The following AP2A2 variants were observed in gnomAD, a reference collection of about 807,000 sequenced individuals.
AP2A2 encodes the protein AP-2 complex subunit alpha-2.
Under a neutral mutation model 104.2 loss-of-function variants are expected in AP2A2, and 32 were observed. The observed-to-expected ratio is 0.31, with a 90% CI of 0.23 to 0.41. AP2A2 has a LOEUF of 0.41. AP2A2 is among the 10% of genes least tolerant of loss of function. The pLI, the probability that AP2A2 is intolerant of heterozygous loss-of-function variation, is 1.00. For synonymous variants in AP2A2, 539 were observed against 533.3 expected (o/e 1.01, Z -0.15); for missense variants, 912 against 1,261.0 (o/e 0.72, Z 4.19).
chr11:976,351 C>T (rs6597962), intron 4 of AP2A2, among the ~76,000 whole-genome samples: 70,459 of 151,970 alleles, frequency 0.46, 17,582 homozygotes, highest in Middle Eastern at 0.65. Context: ...ACAGGTAGTC[C>T]CTATACCCTT....
intron 6 of AP2A2, 124 bp from the exon 7 acceptor site, chr11:984,521 A>G (rs1855380561): frequency 8.5e-6 from 7 of 822,612 alleles, no homozygotes; most frequent in South Asian, 6.2e-5. Context: ...CACTCTTGGC[A>G]CATGAAACAA....
At chr11:988,048 C>T (rs1589997925) in intron 9 of AP2A2, among the ~76,000 whole-genome samples, 2 of 152,266 alleles carry the variant, frequency 1.3e-5, no homozygotes, top group Admixed American at 6.5e-5. Flanking sequence ...CCAGTGCTAG[C>T]GCTGGTGGTG....
chr11:990,456 G>A (rs1855607944), intron 10 of AP2A2, among the ~76,000 whole-genome samples: 1 of 152,220 alleles, frequency 6.6e-6, no homozygotes, highest in East Asian at 1.9e-4. Context: ...GTTGTTCTGG[G>A]TGTTTTGAAC....
At chr11:976,148 G>A (rs1000648734) in intron 4 of AP2A2, among the ~76,000 whole-genome samples, 9 of 152,198 alleles carry the variant, frequency 5.9e-5, no homozygotes, top group Non-Finnish European at 1.0e-4. Context: ...CCACATGGAC[G>A]CATGGCAGGG....
Position 984,693 on chromosome 11 carries a change from G to C in AP2A2, c.754G>C (p.Val252Leu). The C allele has an allele frequency of 1.2e-6, 2 of 1,613,626 alleles. No homozygotes were observed. Among genetic ancestry groups the C allele is most frequent in the Non-Finnish European group, 1.7e-6 (2 of 1,179,810 alleles). The stretch of plus-strand genomic sequence containing the variant: ...TCTCCAGGATTACACTTACTATTTT[G>C]TCCCGGCTCCCTGGCTGTCTGTCAA... ...TDLQDYTYYFVPAPWLSVKLL... is the reference protein window; with the variant it reads ...TDLQDYTYYFLPAPWLSVKLL... The change falls in exon 7 of 22, where the codon GTC (valine) becomes CTC (leucine). Residue 252 changes from valine (V) to leucine (L), a missense_variant. Val to Leu is a conservative substitution (Grantham distance 32). This residue lies in a region of AP2A2 where 350 missense variants were observed against 487.0 expected (regional missense o/e 0.72). Transcript: ENST00000448903.
Position 985,501 on chromosome 11 carries a change from C to T in AP2A2, c.881C>T (p.Pro294Leu). 1 of 1,613,982 alleles carries T rather than the reference C, an allele frequency of 6.2e-7. No homozygotes were observed. The highest frequency in any genetic ancestry group is 8.5e-7 in the Non-Finnish European group (1 of 1,179,892). Residue 294 changes from proline (P) to leucine (L), a missense_variant, in exon 8 of 22, where the codon CCC becomes CTC. Pro to Leu is a moderately conservative substitution (Grantham distance 98). Around this residue, in one of 7 missense-constraint regions of AP2A2, gnomAD observed 350 missense variants for 487.0 expected, o/e 0.72. Coordinates refer to ENST00000448903, the MANE Select transcript of AP2A2 (RefSeq NM_012305.4). ...ETILNKAQEPPKSKKVQHSNA... is the reference protein window; with the variant it reads ...ETILNKAQEPLKSKKVQHSNA... The stretch of plus-strand genomic sequence containing the variant: ...ATCCTGAACAAAGCCCAAGAACCGC[C>T]CAAGTCGAAGAAGGTCCAGCACTCC...
chr11:1,004,481 T>C (rs936796185), intron 16 of AP2A2, among the ~76,000 whole-genome samples: 3 of 150,442 alleles, frequency 2.0e-5, no homozygotes, highest in Non-Finnish European at 3.0e-5. Flanking sequence ...AATAAATAAA[T>C]AAACAGACTG....
At chr11:962,921 G>A (rs1450222974) in intron 2 of AP2A2, among the ~76,000 whole-genome samples, 8 of 152,178 alleles carry the variant, frequency 5.3e-5, no homozygotes, top group Admixed American at 2.6e-4. Flanking sequence ...CTCCTTGTCC[G>A]TAAGAAATGT....
chr11:937,707 A>G (rs1196138760), intron 1 of AP2A2, among the ~76,000 whole-genome samples: 1 of 152,244 alleles, frequency 6.6e-6, no homozygotes, highest in Non-Finnish European at 1.5e-5. Flanking sequence ...AATTTATTGA[A>G]TACTGTATGA....
rs59282675 is a variant in AP2A2 at position 949,781 on chromosome 11, GAAA to G, written c.68-9645_68-9643del. 1.5e-4 allele frequency among the ~76,000 whole-genome samples: 21 copies of G among 141,560 alleles called. 1 individual carries two copies. In the South Asian group the frequency reaches 4.4e-3, roughly 30 times the overall value. 92.9% of individuals were successfully genotyped at this position (141,560 alleles called of 152,430 possible). Reference sequence around the variant, plus strand: ...CAGAGAGAGACTCTGTCTCAAAAAAGAAAAAAAAAAAAACAGGTTTATACACCA... The same window carrying G: ...CAGAGAGAGACTCTGTCTCAAAAAAGAAAAAAAAAACAGGTTTATACACCA... On this transcript the variant is annotated intron_variant, in intron 1 of 21. Coordinates refer to ENST00000448903, the MANE Select transcript of AP2A2 (RefSeq NM_012305.4).
At chr11:1,000,688 G>A in intron 15 of AP2A2, 90 bp downstream of exon 15, 1 of 1,374,618 alleles carries the variant, frequency 7.3e-7, no homozygotes, top group Non-Finnish European at 9.7e-7. Flanking sequence ...GACAGAGGTG[G>A]GCAGCGGAGT....
chr11:972,307 C>A, intron 4 of AP2A2, 52 bp downstream of exon 4: 1 of 1,475,130 alleles, frequency 6.8e-7, no homozygotes, highest in South Asian at 1.3e-5. Flanking sequence ...TGCTTTCATG[C>A]CAAATACATC....
At chr11:930,893 A>T (rs1288363854) in intron 1 of AP2A2, among the ~76,000 whole-genome samples, 5 of 152,202 alleles carry the variant, frequency 3.3e-5, no homozygotes, top group African/African-American at 1.2e-4. Flanking sequence ...ACACTGGTAC[A>T]CACCACCAGG....
At position 1,011,415 on chromosome 11, in the gene AP2A2, C is replaced by T. The variant is rs767299273; in HGVS notation, c.*790C>T. Reference sequence around the variant, plus strand: ...CTCGTCTCTTTCCTGTCAGAGTGGGCGTCCCCAGGCCACGGTGCAGGCCTG... The same window carrying T: ...CTCGTCTCTTTCCTGTCAGAGTGGGTGTCCCCAGGCCACGGTGCAGGCCTG... On this transcript the variant is annotated 3_prime_UTR_variant, in exon 22 of 22. Coordinates refer to ENST00000448903, the MANE Select transcript of AP2A2 (RefSeq NM_012305.4). 3.1e-5 allele frequency: 16 copies of T among 508,040 alleles called. No individual in the cohort carries two copies. Among genetic ancestry groups the T allele is most frequent in the African/African-American group, 1.7e-4 (9 of 51,670 alleles). The allele number at this position is 508,040 out of a possible 1,614,324, so 31.5% of individuals were successfully genotyped here.
At position 925,960 on chromosome 11, in the gene AP2A2, T is replaced by TC. The variant is rs1555023947; in HGVS notation, c.-59dup. The TC allele has an allele frequency of 7.7e-7, 1 of 1,299,108 alleles. No homozygotes were observed. Among genetic ancestry groups the TC allele is most frequent in the Non-Finnish European group, 1.0e-6 (1 of 991,880 alleles). 80.5% of individuals were successfully genotyped at this position (1,299,108 alleles called of 1,614,324 possible). On this transcript the variant is annotated 5_prime_UTR_variant, in exon 1 of 22. Transcript: ENST00000448903. ...GGTGACGGCGACCGCACTCCCCGCT[T>TC]CCCGCTCCCCGCGCTCCTCCGCCCG...
chr11:930,111 ACT>A (rs1853240610), intron 1 of AP2A2, among the ~76,000 whole-genome samples: 2 of 132,114 alleles, frequency 1.5e-5, no homozygotes, highest in Non-Finnish European at 3.1e-5. Context: ...ACAGAGCGAG[ACT>A]CTGTCTCAAA....
intron 14 of AP2A2, among the ~76,000 whole-genome samples, chr11:995,794 C>T (rs1359702357): frequency 2.1e-5 from 3 of 141,582 alleles, no homozygotes; most frequent in African/African-American, 8.1e-5. Flanking sequence ...CCCTGTCCCC[C>T]CGTGCCCTCT....
chr11:957,895 T>G (rs1854289726), intron 1 of AP2A2, among the ~76,000 whole-genome samples: 1 of 152,272 alleles, frequency 6.6e-6, no homozygotes. Flanking sequence ...TGTCTGTTTT[T>G]GCTCATCCTT....
At position 994,058 on chromosome 11, in the gene AP2A2, G is replaced by C; in HGVS notation, c.1783-14G>C. On this transcript the variant is annotated splice_polypyrimidine_tract_variant and intron_variant, in intron 13 of 21. Transcript: ENST00000448903. The stretch of plus-strand genomic sequence containing the variant: ...CAGGAGCTCTGACCAGTCCCACCCT[G>C]TGTTCTTTCCAAGGCGACCGTGCTG... The C allele has an allele frequency of 6.2e-7, 1 of 1,612,308 alleles. No individual in the cohort carries two copies. Among genetic ancestry groups the C allele is most frequent in the Admixed American group, 1.7e-5 (1 of 59,986 alleles).
Sources: gnomAD v4.1 joint callset for allele counts (sites outside exome capture counted in the v4.1 genomes callset) on GRCh38, gnomAD v4.1.1 for gene constraint, gnomAD v4.1.1 regional missense constraint, MANE v1.5 for transcripts, NCBI Gene and HGNC (gene_info 2026-07-23, HGNC 2026-07-21) for gene names.